TRPM3: variants seen among roughly 807,000 people sequenced by gnomAD.
The protein encoded by TRPM3 is transient receptor potential cation channel subfamily M member 3, also known as long transient receptor potential channel 3.
In TRPM3, 77 loss-of-function variants were observed where a neutral mutation model predicts 181.2. That is an observed-to-expected ratio of 0.42 (90% confidence interval 0.35 to 0.51). The LOEUF is 0.51. Ranked by LOEUF, TRPM3 falls within the 20% of genes least tolerant of loss-of-function variation. TRPM3 has a pLI of 0.01. For missense variants in TRPM3, 1,759 were observed against 2,196.7 expected (o/e 0.80, Z 3.98); for synonymous variants, 745 against 796.4 (o/e 0.94, Z 1.09).
At chr9:70,559,762 T>C (rs2048603455) in intron 22 of TRPM3, among the ~76,000 whole-genome samples, 1 of 152,090 alleles carries the variant, frequency 6.6e-6, no homozygotes, top group Non-Finnish European at 1.5e-5. Context: ...TTCAGGAGCC[T>C]CCTCAAGCCC....
At chr9:71,226,126 G>A (rs996349476) in intron 1 of TRPM3, among the ~76,000 whole-genome samples, 3 of 121,300 alleles carry the variant, frequency 2.5e-5, no homozygotes, top group Non-Finnish European at 5.6e-5. Context: ...AAAATAATGG[G>A]TTATAAAATA....
intron 1 of TRPM3, among the ~76,000 whole-genome samples, chr9:71,102,698 T>C (rs1212238468): frequency 2.6e-5 from 4 of 152,208 alleles, no homozygotes; most frequent in African/African-American, 4.8e-5. Flanking sequence ...CAAGCAAAAT[T>C]AGTTGTTTCA....
chr9:71,386,045 G>A (rs1342162340), intron 1 of TRPM3, among the ~76,000 whole-genome samples: 1 of 152,144 alleles, frequency 6.6e-6, no homozygotes. Context: ...ACAAGTAGTA[G>A]TAGCTGGTTG....
intron 8 of TRPM3, 151 bp downstream of exon 8, chr9:70,761,450 G>A (rs1283544625): frequency 1.5e-5 from 14 of 962,432 alleles, no homozygotes; most frequent in Non-Finnish European, 2.0e-5. Context: ...AGTTACTTAG[G>A]AGAGGAAGCT....
At chr9:71,032,343 A>T (rs2057636041) in intron 1 of TRPM3, among the ~76,000 whole-genome samples, 1 of 150,262 alleles carries the variant, frequency 6.7e-6, no homozygotes, top group South Asian at 2.1e-4. Context: ...AGAGAGCATG[A>T]TGAAAGATCT....
At chr9:70,580,362 C>T (rs2055311798) in intron 22 of TRPM3, among the ~76,000 whole-genome samples, 1 of 152,198 alleles carries the variant, frequency 6.6e-6, no homozygotes, top group Admixed American at 6.5e-5. Flanking sequence ...CCTTACTAAC[C>T]TCTTCTCCAT....
At chr9:71,341,197 T>A (rs2132606101) in intron 1 of TRPM3, among the ~76,000 whole-genome samples, 1 of 152,264 alleles carries the variant, frequency 6.6e-6, no homozygotes, top group South Asian at 2.1e-4. Context: ...CACAGTAAAA[T>A]CTGCTACAGG....
intron 1 of TRPM3, among the ~76,000 whole-genome samples, chr9:71,175,966 G>T (rs919875567): frequency 2.0e-5 from 3 of 152,172 alleles, no homozygotes; most frequent in Middle Eastern, 6.8e-3. Flanking sequence ...TAATGTCATT[G>T]TGCAATGCAT....
At chr9:70,916,994 T>G in intron 1 of TRPM3, 1 of 1,537,414 alleles carries the variant, frequency 6.5e-7, no homozygotes, top group Non-Finnish European at 9.0e-7. Context: ...CCTGGAGGAG[T>G]TAGAAGTCCT....
intron 1 of TRPM3, among the ~76,000 whole-genome samples, chr9:71,445,261 A>T (rs1477134959): frequency 6.6e-6 from 1 of 152,244 alleles, no homozygotes; most frequent in African/African-American, 2.4e-5. Flanking sequence ...TATTAAAAAG[A>T]GGATTGAATT....
chr9:70,829,979 G>T (rs2093790223), intron 5 of TRPM3, among the ~76,000 whole-genome samples: 1 of 152,192 alleles, frequency 6.6e-6, no homozygotes, highest in South Asian at 2.1e-4. Context: ...TGTTCTTAAA[G>T]TGCCTCTGCA....
At chr9:71,388,553 C>T (rs1279623439) in intron 1 of TRPM3, among the ~76,000 whole-genome samples, 2 of 152,046 alleles carry the variant, frequency 1.3e-5, no homozygotes, top group African/African-American at 4.8e-5. Context: ...TGTAAGTCAT[C>T]AACACTGAAG....
intron 1 of TRPM3, among the ~76,000 whole-genome samples, chr9:71,077,038 A>G (rs1028246988): frequency 6.6e-6 from 1 of 152,190 alleles, no homozygotes; most frequent in African/African-American, 2.4e-5. Context: ...CGCCATTAAC[A>G]GGTTATAGTC....
chr9:71,289,336 C>A lies in TRPM3; in HGVS notation c.183+157317G>T, dbSNP rs541861846. 3.3e-5 allele frequency among the ~76,000 whole-genome samples: 5 copies of A among 152,078 alleles called. No homozygotes were observed. The East Asian group carries it at 9.7e-4, about 29-fold the overall frequency. On this transcript the variant is annotated intron_variant, in intron 1 of 24. Coordinates refer to the TRPM3 transcript ENST00000357533. ...GACCTCAACGTTTTAAAAAGGAAAGCAATAAAACTTCTAGAGATAAAGCCT... is the reference window on the plus strand; with the variant it reads ...GACCTCAACGTTTTAAAAAGGAAAGAAATAAAACTTCTAGAGATAAAGCCT...
chr9:70,783,254 C>T (rs1432763360), intron 7 of TRPM3, among the ~76,000 whole-genome samples: 1 of 152,212 alleles, frequency 6.6e-6, no homozygotes, highest in Non-Finnish European at 1.5e-5. Context: ...AGACCATCAT[C>T]TCATTTGGGG....
At chr9:71,187,956 C>T (rs531539646) in intron 1 of TRPM3, among the ~76,000 whole-genome samples, 6 of 149,396 alleles carry the variant, frequency 4.0e-5, no homozygotes, top group South Asian at 2.1e-4. Flanking sequence ...GATAGATCAT[C>T]GCATTTTTTA....
At position 70,532,201 on chromosome 9, in the gene TRPM3, C is replaced by T. The variant is rs2040974859; in HGVS notation, c.*3752G>A. 2.6e-5 allele frequency: 4 copies of T among 152,106 alleles called. No homozygotes were observed. The highest frequency in any genetic ancestry group is 9.7e-5 in the African/African-American group (4 of 41,436). 9.4% of individuals were successfully genotyped at this position (152,106 alleles called of 1,614,324 possible). ...CTTTAAAGAAATTAAACAGCCCAAA[C>T]ATTCAGGAAGATTAGACTGTACAGA... On this transcript the variant is annotated 3_prime_UTR_variant, in exon 26 of 26. Coordinates refer to ENST00000677713, the MANE Select transcript of TRPM3 (RefSeq NM_001366145.2).
chr9:70,983,629 C>A (rs942434066), intron 1 of TRPM3, among the ~76,000 whole-genome samples: 3 of 152,100 alleles, frequency 2.0e-5, no homozygotes, highest in African/African-American at 7.2e-5. Context: ...GAAAGCTTTA[C>A]CATAAAAAAC....
chr9:71,189,248 G>C (rs7870970), intron 1 of TRPM3, among the ~76,000 whole-genome samples: 1 of 151,600 alleles, frequency 6.6e-6, no homozygotes, highest in South Asian at 2.1e-4. Flanking sequence ...CCACTTACTT[G>C]GTTCACTATG....
Sources: allele counts gnomAD v4.1 joint callset (sites outside exome capture counted in the v4.1 genomes callset), GRCh38; gene constraint gnomAD v4.1.1; transcripts MANE v1.5; gene names NCBI Gene and HGNC (gene_info 2026-07-23, HGNC 2026-07-21).